Variants in ADAMTS18 observed in about 807,000 individuals in gnomAD.
ADAMTS18 encodes the protein A disintegrin and metalloproteinase with thrombospondin motifs 18.
Under a neutral mutation model 165.9 loss-of-function variants are expected in ADAMTS18, and 157 were observed. The observed-to-expected ratio is 0.95, with a 90% CI of 0.83 to 1.08. The LOEUF (loss-of-function observed/expected upper bound fraction) is 1.08. Among genes scored for constraint, ADAMTS18 ranks in the 50% least tolerant of loss-of-function variants. ADAMTS18 has a pLI of 0.00. For synonymous variants in ADAMTS18, 782 were observed against 578.2 expected (o/e 1.35, Z -5.06); for missense variants, 2,040 against 1,534.0 (o/e 1.33, Z -5.51).
chr16:77,422,464 G>T (rs72801684), intron 3 of ADAMTS18, among the ~76,000 whole-genome samples: 216 of 151,060 alleles, frequency 1.4e-3, no homozygotes, highest in Non-Finnish European at 2.6e-3. Context: ...TAGCCTTGTT[G>T]AAAGCTAGCC....
intron 3 of ADAMTS18, among the ~76,000 whole-genome samples, chr16:77,373,184 C>T (rs947475066): frequency 7.7e-4 from 117 of 152,276 alleles, no homozygotes; most frequent in African/African-American, 2.1e-3. Context: ...GCCGTACTCA[C>T]GACCCTATTG....
intron 3 of ADAMTS18, among the ~76,000 whole-genome samples, chr16:77,386,421 A>C (rs1002678225): frequency 7.9e-5 from 12 of 152,220 alleles, no homozygotes; most frequent in Non-Finnish European, 1.8e-4. Context: ...TCTCTGTGCT[A>C]ACTTTTCCCT....
intron 3 of ADAMTS18, among the ~76,000 whole-genome samples, chr16:77,414,697 A>G (rs1207742837): frequency 6.6e-6 from 1 of 152,230 alleles, no homozygotes; most frequent in Non-Finnish European, 1.5e-5. Context: ...TTATTTAAAA[A>G]TAAAGATCTA....
In ADAMTS18 at chr16:77,363,854, C is replaced by G. The variant is rs748768401; in HGVS notation, c.1004G>C (p.Gly335Ala). The change falls in exon 6 of 23, where the codon GGA (glycine) becomes GCA (alanine). Residue 335 changes from glycine (G) to alanine (A), a missense_variant. Gly to Ala is a moderately conservative substitution (Grantham distance 60). Coordinates refer to ENST00000282849, the MANE Select transcript of ADAMTS18 (RefSeq NM_199355.4). ...CACCACAACCACGTTTATGTCACTT[C>G]CAATAGTCCCATCTTTAAATAGGCC... is the stretch of plus-strand genomic sequence containing the variant. Reference protein sequence around the residue: ...VSGLFKDGTIGSDINVVVVSL... With the variant: ...VSGLFKDGTIASDINVVVVSL... 1 of 1,613,980 alleles carries G rather than the reference C, an allele frequency of 6.2e-7. No individual in the cohort carries two copies. Among genetic ancestry groups the G allele is most frequent in the Admixed American group, 1.7e-5 (1 of 60,008 alleles).
intron 3 of ADAMTS18, among the ~76,000 whole-genome samples, chr16:77,397,117 T>C (rs2057268458): frequency 6.6e-6 from 1 of 152,210 alleles, no homozygotes; most frequent in Non-Finnish European, 1.5e-5. Flanking sequence ...CCTGGATTGC[T>C]TTCTAGGAGA....
At chr16:77,367,287 C>A in intron 4 of ADAMTS18, 154 bp downstream of exon 4, 1 of 789,950 alleles carries the variant, frequency 1.3e-6, no homozygotes, top group Admixed American at 2.4e-5. Context: ...GATCATCCAG[C>A]ATTTGCCTGA....
rs9934016 is a variant in ADAMTS18 at position 77,350,563 on chromosome 16, C to A, written c.1614+3170G>T. On this transcript the variant is annotated intron_variant, in intron 10 of 22. Transcript: ENST00000282849. ...AGGGAGGTTGAGTCATTTCCCCAAG[C>A]TTATAGGAAATCTCGGAACAAAATT... is the stretch of plus-strand genomic sequence containing the variant. Among the ~76,000 whole-genome samples the A allele has an allele frequency of 7.3e-3, 1,105 of 152,260 alleles. 15 individuals are homozygous for A. Among genetic ancestry groups the A allele is most frequent in the African/African-American group, 0.025 (1,051 of 41,546 alleles).
At chr16:77,349,671 A>G (rs922933319) in intron 10 of ADAMTS18, among the ~76,000 whole-genome samples, 5 of 152,098 alleles carry the variant, frequency 3.3e-5, no homozygotes, top group African/African-American at 4.8e-5. Flanking sequence ...CCTCAAAATC[A>G]TCTTCAGGAA....
intron 3 of ADAMTS18, among the ~76,000 whole-genome samples, chr16:77,370,667 T>C (rs1054262113): frequency 1.3e-5 from 2 of 152,040 alleles, no homozygotes; most frequent in African/African-American, 2.4e-5. Flanking sequence ...GGAGAATCGC[T>C]TGAACTCAGG....
At chr16:77,405,427 C>T (rs1480412651) in intron 3 of ADAMTS18, among the ~76,000 whole-genome samples, 1 of 152,144 alleles carries the variant, frequency 6.6e-6, no homozygotes, top group Non-Finnish European at 1.5e-5. Context: ...GAGCAGATGG[C>T]CTGTAGTCAA....
chr16:77,362,124 A>G lies in ADAMTS18; in HGVS notation c.1197T>C (p.Asn399=). Residue 399 remains asparagine, a synonymous_variant, in exon 7 of 23, where the codon AAT becomes AAC. Transcript: ENST00000282849. ...LTGFDICSWK[N]EPCDTLGFAP... is the part of the protein sequence containing the mutation. ...CCATACCTAGAGTGTCACATGGTTC[A>G]TTCTTCCAAGAACAAATATCAAATC... is the stretch of plus-strand genomic sequence containing the variant. 6.2e-7 allele frequency: 1 copy of G among 1,614,102 alleles called. No individual in the cohort carries two copies. The highest frequency in any genetic ancestry group is 8.5e-7 in the Non-Finnish European group (1 of 1,180,012).
Position 77,408,637 on chromosome 16 carries a change from T to A in ADAMTS18, c.495+22658A>T, listed in dbSNP as rs187405809. 4.6e-3 allele frequency among the ~76,000 whole-genome samples: 694 copies of A among 152,194 alleles called. 10 individuals carry two copies. Among genetic ancestry groups the A allele is most frequent in the African/African-American group, 0.016 (648 of 41,540 alleles). On this transcript the variant is annotated intron_variant, in intron 3 of 22. Transcript: ENST00000282849. ...TCTATTGATTGCATGTATACAAAGT[T>A]CAAAAAAAGGCAAAACTAACCTTCA...
At position 77,431,541 on chromosome 16, in the gene ADAMTS18, G is replaced by A. The variant is rs772716413; in HGVS notation, c.249C>T (p.Asn83=). 1.7e-5 allele frequency: 27 copies of A among 1,614,018 alleles called. No homozygotes were observed. Among genetic ancestry groups the A allele is most frequent in the South Asian group, 2.2e-5 (2 of 91,088 alleles). ...TCTGCGCCGATCGCTTTTTCCTGCC[G>A]TTGTGCAAAATGTCGTGTGAAATAT... ...GSYISHDILH[N]GRKKRSAQNA... is the part of the protein sequence containing the mutation. The change falls in exon 3 of 23, where the codon AAC becomes AAT. Residue 83 remains asparagine, a synonymous_variant. Transcript: ENST00000282849.
intron 16 of ADAMTS18, among the ~76,000 whole-genome samples, chr16:77,312,877 A>T (rs958191231): frequency 1.3e-5 from 2 of 152,158 alleles, no homozygotes; most frequent in Admixed American, 6.5e-5. Context: ...ATTGTGGAAG[A>T]CAGTGTGGCG....
At chr16:77,370,050 T>C (rs2056854392) in intron 3 of ADAMTS18, among the ~76,000 whole-genome samples, 1 of 152,068 alleles carries the variant, frequency 6.6e-6, no homozygotes, top group African/African-American at 2.4e-5. Context: ...ATAAAAACTC[T>C]CAACAAATTA....
At chr16:77,330,608 G>T (rs1481964875) in intron 12 of ADAMTS18, among the ~76,000 whole-genome samples, 1 of 152,172 alleles carries the variant, frequency 6.6e-6, no homozygotes, top group African/African-American at 2.4e-5. Context: ...CTGAGGCATA[G>T]GAGGGCTCAA....
intron 3 of ADAMTS18, among the ~76,000 whole-genome samples, chr16:77,390,443 G>C (rs2057169845): frequency 6.6e-6 from 1 of 152,064 alleles, no homozygotes; most frequent in Admixed American, 6.5e-5. Context: ...TGTAATCCCA[G>C]TACTTTCGGA....
chr16:77,304,094 G>A (rs1215869815), intron 16 of ADAMTS18, among the ~76,000 whole-genome samples: 3 of 152,078 alleles, frequency 2.0e-5, no homozygotes, highest in Admixed American at 1.3e-4. Flanking sequence ...TGAGGTGGGG[G>A]AGGAAATCAC....
chr16:77,291,432 C>T lies in ADAMTS18; in HGVS notation c.3236G>A (p.Cys1079Tyr), dbSNP rs2055362297. ...GLGVRKREMK[C>Y]SEKGFQGKLI... ...CTTTCCCTGGAAGCCCTTCTCGCTG[C>T]ACTTCATCTCCCTCTTCCTCACACC... The change falls in exon 21 of 23, where the codon TGC becomes TAC. Residue 1079 changes from cysteine (C) to tyrosine (Y), a missense_variant. Cys to Tyr is a radical substitution (Grantham distance 194). Transcript: ENST00000282849. 13 of 1,614,216 alleles carry T rather than the reference C, an allele frequency of 8.1e-6. No individual in the cohort carries two copies. The highest frequency in any genetic ancestry group is 1.1e-5 in the Non-Finnish European group (13 of 1,180,030).
Sources: gnomAD v4.1 joint callset for allele counts (sites outside exome capture counted in the v4.1 genomes callset) on GRCh38, gnomAD v4.1.1 for gene constraint, MANE v1.5 for transcripts, NCBI Gene and HGNC (gene_info 2026-07-23, HGNC 2026-07-21) for gene names.